The following AEBP1 variants were observed in gnomAD, a reference collection of about 807,000 sequenced individuals.
The protein encoded by AEBP1 is AE binding protein 1, also known as adipocyte enhancer-binding protein 1.
In AEBP1, 69 loss-of-function variants were observed where a neutral mutation model predicts 116.5. The ratio of observed to expected loss-of-function variants is 0.59; its 90% CI spans 0.49 to 0.72. The LOEUF (loss-of-function observed/expected upper bound fraction) is 0.72, where lower values mean the gene tolerates loss of function less well. AEBP1 is among the 30% of genes least tolerant of loss of function. The probability of loss-of-function intolerance (pLI) is 0.00; values close to 1 mark genes in which losing one functional copy is unlikely to be tolerated. For synonymous variants in AEBP1, 627 were observed against 627.3 expected (o/e 1.00, Z 0.01); for missense variants, 1,444 against 1,557.5 (o/e 0.93, Z 1.23).
intron 9 of AEBP1, 162 bp downstream of exon 9, chr7:44,109,503 C>T: frequency 1.2e-6 from 1 of 808,192 alleles, no homozygotes; most frequent in South Asian, 1.9e-5. Context: ...CCAGGATAGC[C>T]TCGCTTGGCT....
rs368973524 is a variant in AEBP1, at chr7:44,106,866, G to A, written c.574G>A (p.Glu192Lys). ...PLPPPPSPGP[E>K]ELPQEGGAPL... ...GCCCCCACCCCCCAGCCCTGGCCCCGAGGAGCTACCCCAGGAGGGAGGTTT... is the reference window on the plus strand; with the variant it reads ...GCCCCCACCCCCCAGCCCTGGCCCCAAGGAGCTACCCCAGGAGGGAGGTTT... The change falls in exon 2 of 21, where the codon GAG becomes AAG. Residue 192 changes from glutamate to lysine, a missense_variant. By Grantham distance (56) the Glu-to-Lys change is moderately conservative. Transcript: ENST00000223357. 170 of 1,589,190 alleles carry A rather than the reference G, an allele frequency of 1.1e-4. No individual in the cohort carries two copies. In the African/African-American group the frequency reaches 2.0e-3, roughly 19 times the overall value.
rs778046511 is a variant in AEBP1 at position 44,113,872 on chromosome 7, C to CGGGCACAGAT, written c.3090_3099dup (p.Arg1034GlyfsTer54). Reference sequence around the variant, plus strand: ...ACGCCTACAACACCGCCTGCGGCTTCGGGCACAGATGCGGCTGCGGCGCCT... The same window carrying CGGGCACAGAT: ...ACGCCTACAACACCGCCTGCGGCTTCGGGCACAGATGGGCACAGATGCGGCTGCGGCGCCT... On this transcript the variant is annotated frameshift_variant, in exon 21 of 21. Coordinates refer to ENST00000223357, the MANE Select transcript of AEBP1 (RefSeq NM_001129.5). LOFTEE classifies it low-confidence loss of function (END_TRUNC). This position sits in a 1 kb window ranked among gnomAD's most constrained non-coding sequence, Gnocchi z 5.3. 1 of 1,613,660 alleles carries CGGGCACAGAT rather than the reference C, an allele frequency of 6.2e-7. No homozygotes were observed. Among genetic ancestry groups the CGGGCACAGAT allele is most frequent in the Non-Finnish European group, 8.5e-7 (1 of 1,179,998 alleles).
Position 44,111,501 on chromosome 7 carries a change from C to T in AEBP1, c.1717-6C>T. 6.3e-7 allele frequency: 1 copy of T among 1,578,396 alleles called. No homozygotes were observed. Among genetic ancestry groups the T allele is most frequent in the Non-Finnish European group, 8.6e-7 (1 of 1,162,778 alleles). ...ATTGATTCCACGTCCTCCCCCTCTG[C>T]CCCAGCTCATGAAGGTGGTGAACGA... On this transcript the variant is annotated splice_region_variant and splice_polypyrimidine_tract_variant and intron_variant, in intron 14 of 20. Transcript: ENST00000223357. This position sits in a 1 kb window ranked among gnomAD's most constrained non-coding sequence, Gnocchi z 4.7.
chr7:44,109,285 T>C lies in AEBP1; in HGVS notation c.1097-3T>C. On this transcript the variant is annotated splice_region_variant and splice_polypyrimidine_tract_variant and intron_variant, in intron 8 of 20. Transcript: ENST00000223357. ...TGCCATGTCCTCCCTTCATTGTCCCTAGAGCCCCGAAAGGGCGAGGAGTTG... is the reference window on the plus strand; with the variant it reads ...TGCCATGTCCTCCCTTCATTGTCCCCAGAGCCCCGAAAGGGCGAGGAGTTG... 6 of 1,602,290 alleles carry C rather than the reference T, an allele frequency of 3.7e-6. No individual in the cohort carries two copies. The highest frequency in any genetic ancestry group is 4.3e-6 in the Non-Finnish European group (5 of 1,175,718).
rs764355896 is a variant in AEBP1, at chr7:44,113,298, C to G, written c.2756C>G (p.Pro919Arg). 2 of 1,613,654 alleles carry G rather than the reference C, an allele frequency of 1.2e-6. No homozygotes were observed. Among genetic ancestry groups the G allele is most frequent in the East Asian group, 2.2e-5 (1 of 44,852 alleles). ...GTGGTGACGGACGAGCAAGGCATCC[C>G]CATTGCCAACGCCACCATCTCTGTG... Reference protein sequence around the residue: ...KGVVTDEQGIPIANATISVSG... With the variant: ...KGVVTDEQGIRIANATISVSG... The change falls in exon 20 of 21, where the codon CCC becomes CGC. Residue 919 changes from proline to arginine, a missense_variant. Pro to Arg is a moderately radical substitution (Grantham distance 103). Coordinates refer to ENST00000223357, the MANE Select transcript of AEBP1 (RefSeq NM_001129.5). The surrounding 1 kb of genome is among the most constrained non-coding windows in gnomAD (Gnocchi z 5.3).
chr7:44,114,021 G>C lies in AEBP1; in HGVS notation c.3237G>C (p.Glu1079Asp), dbSNP rs762489269. 1.9e-6 allele frequency: 3 copies of C among 1,607,788 alleles called. No homozygotes were observed. Among genetic ancestry groups the C allele is most frequent in the Non-Finnish European group, 2.5e-6 (3 of 1,177,614 alleles). The change falls in exon 21 of 21, where the codon GAG becomes GAC. Residue 1079 changes from glutamate (E) to aspartate (D), a missense_variant. Coordinates refer to ENST00000223357, the MANE Select transcript of AEBP1 (RefSeq NM_001129.5). ...TACCGCCAACCACCGCTGGCTGGGA[G>C]GAGTCGGAGACTGAGACCTACACAG... ...GLIPPTTAGW[E>D]ESETETYTEV...
chr7:44,110,136 G>A lies in AEBP1; in HGVS notation c.1260+12G>A, dbSNP rs372348448. 35 of 1,613,020 alleles carry A rather than the reference G, an allele frequency of 2.2e-5. No homozygotes were observed. Among genetic ancestry groups the A allele is most frequent in the African/African-American group, 4.0e-5 (3 of 74,918 alleles). On this transcript the variant is annotated intron_variant, in intron 10 of 20. Transcript: ENST00000223357. ...GGCTCAACATGCAGGTGGGCATTGG[G>A]ATGGGCCCATCTCCCAACTGGGATA...
rs778021995 is a variant in AEBP1 at position 44,112,118 on chromosome 7, G to T, written c.2038-24G>T. 5.0e-6 allele frequency: 8 copies of T among 1,597,874 alleles called. No homozygotes were observed. Among genetic ancestry groups the T allele is most frequent in the Non-Finnish European group, 6.0e-6 (7 of 1,168,096 alleles). ...GGTTGTGGGGGTGTGGGTAGCCGAT[G>T]CCTACCCTGCTGGCTCCCCACAGGG... On this transcript the variant is annotated intron_variant, in intron 16 of 20. Transcript: ENST00000223357. The surrounding 1 kb of genome is among the most constrained non-coding windows in gnomAD (Gnocchi z 6.6).
chr7:44,110,746 C>T lies in AEBP1; in HGVS notation c.1422C>T (p.Phe474=). ...SSIHDDFVTT[F]FVGFSNDSQT... is the part of the protein sequence containing the mutation. ...ACAGTGACGATTTTGTGACCACCTT[C>T]TTCGTGGGCTTCAGCAATGACAGCC... The change falls in exon 12 of 21, where the codon TTC becomes TTT. Residue 474 remains phenylalanine, a synonymous_variant. Transcript: ENST00000223357. 6.6e-7 allele frequency: 1 copy of T among 1,525,338 alleles called. No homozygotes were observed. Among genetic ancestry groups the T allele is most frequent in the East Asian group, 2.3e-5 (1 of 43,978 alleles). 94.5% of individuals were successfully genotyped at this position (1,525,338 alleles called of 1,614,324 possible).
chr7:44,113,550 T>C lies in AEBP1; in HGVS notation c.2810-44T>C. 2.2e-6 allele frequency: 3 copies of C among 1,341,312 alleles called. No homozygotes were observed. In the East Asian group the frequency reaches 9.2e-5, roughly 41 times the overall value. 83.1% of individuals were successfully genotyped at this position (1,341,312 alleles called of 1,614,324 possible). A position where few individuals can be genotyped will look rare whatever the true frequency, so the allele number is the denominator to read the frequency against. ...AGGACTGAGTGGGAGGGTGGGGGCCTGGGAGGGGCGCTCTGGGGCAGCCGG... is the reference window on the plus strand; with the variant it reads ...AGGACTGAGTGGGAGGGTGGGGGCCCGGGAGGGGCGCTCTGGGGCAGCCGG... On this transcript the variant is annotated intron_variant, in intron 20 of 20. Transcript: ENST00000223357. This position sits in a 1 kb window ranked among gnomAD's most constrained non-coding sequence, Gnocchi z 5.3.
Position 44,114,168 on chromosome 7 carries a change from GGAGGAGGAGGAGAAA to G in AEBP1, c.3394_3408del (p.Glu1132_Glu1136del), listed in dbSNP as rs2096233949. ...AGCTGGAACCCGAGTTTGAGGAAGA[GGAGGAGGAGGAGAAA>G]GAGGAGGAGATAGCCACTGGCCAGG... On this transcript the variant is annotated inframe_deletion, in exon 21 of 21. Transcript: ENST00000223357. 2 of 1,610,042 alleles carry G rather than the reference GGAGGAGGAGGAGAAA, an allele frequency of 1.2e-6. No individual in the cohort carries two copies. The highest frequency in any genetic ancestry group is 1.3e-5 in the African/African-American group (1 of 74,826).
At position 44,108,801 on chromosome 7, in the gene AEBP1, C is replaced by A. The variant is rs939517020; in HGVS notation, c.941-98C>A. The A allele has an allele frequency of 1.8e-6, 2 of 1,135,686 alleles. No individual in the cohort carries two copies. Among genetic ancestry groups the A allele is most frequent in the African/African-American group, 3.1e-5 (2 of 64,666 alleles). 70.4% of individuals were successfully genotyped at this position (1,135,686 alleles called of 1,614,324 possible). On this transcript the variant is annotated intron_variant, in intron 6 of 20. Coordinates refer to ENST00000223357, the MANE Select transcript of AEBP1 (RefSeq NM_001129.5). This position sits in a 1 kb window ranked among gnomAD's most constrained non-coding sequence, Gnocchi z 5.0. ...GTCCCCCATCTCCCGTCCTCCTCCC[C>A]TCTGGCGCGGTCCTGTCCTGCTGAG...
In AEBP1 at chr7:44,113,527, G is replaced by C; in HGVS notation, c.2810-67G>C. ...AGGGGGAGGGCGGGGCTGGGGGCAG[G>C]ACTGAGTGGGAGGGTGGGGGCCTGG... On this transcript the variant is annotated intron_variant, in intron 20 of 20. Coordinates refer to ENST00000223357, the MANE Select transcript of AEBP1 (RefSeq NM_001129.5). This position sits in a 1 kb window ranked among gnomAD's most constrained non-coding sequence, Gnocchi z 5.3. 7.4e-7 allele frequency: 1 copy of C among 1,343,852 alleles called. No homozygotes were observed. The highest frequency in any genetic ancestry group is 9.8e-7 in the Non-Finnish European group (1 of 1,025,236). 83.2% of individuals were successfully genotyped at this position (1,343,852 alleles called of 1,614,324 possible). A position where few individuals can be genotyped will look rare whatever the true frequency, so the allele number is the denominator to read the frequency against.
In AEBP1 at chr7:44,110,004, C is replaced by T. The variant is rs116400856; in HGVS notation, c.1151-11C>T. The stretch of plus-strand genomic sequence containing the variant: ...GCTAGTGAGCCACCATTCTGGGGTA[C>T]GCGTCCTCAGAGTGTCCCCCCATTG... On this transcript the variant is annotated splice_polypyrimidine_tract_variant and intron_variant, in intron 9 of 20. Transcript: ENST00000223357. 2.8e-3 allele frequency: 4,522 copies of T among 1,608,270 alleles called. 102 individuals are homozygous for T. The African/African-American group carries it at 0.043, about 15-fold the overall frequency.
Position 44,110,787 on chromosome 7 carries a change from A to T in AEBP1, c.1463A>T (p.Tyr488Phe), listed in dbSNP as rs1168121786. The change falls in exon 12 of 21, where the codon TAC (tyrosine) becomes TTC (phenylalanine). Residue 488 changes from tyrosine (Y) to phenylalanine (F), a missense_variant. Tyr to Phe is a conservative substitution (Grantham distance 22). Transcript: ENST00000223357. ...FSNDSQTWVM[Y>F]TNGYEEMTFH... ...AATGACAGCCAGACATGGGTGATGT[A>T]CACCAACGGCTATGAGGAAATGGTG... The T allele has an allele frequency of 6.5e-7, 1 of 1,547,062 alleles. No homozygotes were observed. The highest frequency in any genetic ancestry group is 2.0e-5 in the Admixed American group (1 of 50,182).
chr7:44,104,996 C>T, intron 1 of AEBP1, 78 bp downstream of exon 1: 2 of 1,202,664 alleles, frequency 1.7e-6, no homozygotes, highest in Non-Finnish European at 2.3e-6. Context: ...AGGGTCTGGC[C>T]ACTCCCCAGT....
chr7:44,109,414 T>C, intron 9 of AEBP1, 73 bp downstream of exon 9: 1 of 1,428,008 alleles, frequency 7.0e-7, no homozygotes, highest in South Asian at 1.4e-5. Context: ...ACTGGCCCAA[T>C]GTCACAAACA....
chr7:44,111,112 C>T lies in AEBP1; in HGVS notation c.1631-42C>T. 1.9e-6 allele frequency: 3 copies of T among 1,579,158 alleles called. No individual in the cohort carries two copies. The highest frequency in any genetic ancestry group is 1.7e-5 in the Admixed American group (1 of 57,300). On this transcript the variant is annotated intron_variant, in intron 13 of 20. Coordinates refer to ENST00000223357, the MANE Select transcript of AEBP1 (RefSeq NM_001129.5). This position sits in a 1 kb window ranked among gnomAD's most constrained non-coding sequence, Gnocchi z 4.7. Reference sequence around the variant, plus strand: ...AGTGGAGGTGGGGTGCTAGGGTGGGCCAGCCGGCACCCAGCTAAAGACAAC... The same window carrying T: ...AGTGGAGGTGGGGTGCTAGGGTGGGTCAGCCGGCACCCAGCTAAAGACAAC...
chr7:44,108,031 C>T lies in AEBP1; in HGVS notation c.887C>T (p.Pro296Leu). ...GAGCCTCCTGTGAAGCCTCTGCTGC[C>T]CCCGCTGCCCCCTGACTATGGTGAT... is the stretch of plus-strand genomic sequence containing the variant. ...RIEPPVKPLLPPLPPDYGDGY... is the reference protein window; with the variant it reads ...RIEPPVKPLLLPLPPDYGDGY... Residue 296 changes from proline to leucine, a missense_variant, in exon 6 of 21, where the codon CCC becomes CTC. By Grantham distance (98) the Pro-to-Leu change is moderately conservative. Coordinates refer to ENST00000223357, the MANE Select transcript of AEBP1 (RefSeq NM_001129.5). This position sits in a 1 kb window ranked among gnomAD's most constrained non-coding sequence, Gnocchi z 5.0. The T allele has an allele frequency of 3.1e-6, 5 of 1,596,166 alleles. No homozygotes were observed. Among genetic ancestry groups the T allele is most frequent in the Non-Finnish European group, 4.3e-6 (5 of 1,172,834 alleles).
Sources: allele counts gnomAD v4.1 joint callset, GRCh38; gene constraint gnomAD v4.1.1; non-coding constraint Gnocchi (gnomAD v3.1); transcripts MANE v1.5; gene names NCBI Gene and HGNC (gene_info 2026-07-23, HGNC 2026-07-21).